TBC1D22B: variants seen among roughly 807,000 people sequenced by gnomAD.
TBC1D22B encodes TBC1 domain family member 22B, also known as chromosome 6 open reading frame 197.
In TBC1D22B, 32 loss-of-function variants were observed where a neutral mutation model predicts 69.1. The ratio of observed to expected loss-of-function variants is 0.46; its 90% CI spans 0.35 to 0.62. TBC1D22B has a LOEUF of 0.62. Ranked by LOEUF, TBC1D22B falls within the 20% of genes least tolerant of loss-of-function variation. The probability of loss-of-function intolerance (pLI) is 0.00; values close to 1 mark genes in which losing one functional copy is unlikely to be tolerated. For missense variants in TBC1D22B, 462 were observed against 630.9 expected (o/e 0.73, Z 2.87); for synonymous variants, 206 against 229.8 (o/e 0.90, Z 0.94).
chr6:37,268,516 A>C (rs537775994), intron 1 of TBC1D22B, among the ~76,000 whole-genome samples: 1 of 152,326 alleles, frequency 6.6e-6, no homozygotes, highest in East Asian at 1.9e-4. Context: ...GTTGTGAGCC[A>C]TCCCATCAGC....
chr6:37,276,855 C>A (rs1197295721), intron 2 of TBC1D22B, among the ~76,000 whole-genome samples: 1 of 152,100 alleles, frequency 6.6e-6, no homozygotes, highest in Non-Finnish European at 1.5e-5. Context: ...CGCACCACTG[C>A]ACTCCAGCCT....
intron 2 of TBC1D22B, among the ~76,000 whole-genome samples, chr6:37,277,526 T>C (rs1766704582): frequency 7.1e-6 from 1 of 141,008 alleles, no homozygotes; most frequent in East Asian, 2.1e-4. Flanking sequence ...GAGTCAGTGG[T>C]GTGATCTTGG....
chr6:37,262,768 G>A (rs1158552965), intron 1 of TBC1D22B, among the ~76,000 whole-genome samples: 6 of 152,202 alleles, frequency 3.9e-5, no homozygotes, highest in South Asian at 2.1e-4. Flanking sequence ...TTGCCAACAC[G>A]TTTGGCATTT....
intron 8 of TBC1D22B, among the ~76,000 whole-genome samples, chr6:37,308,818 T>A (rs1398250721): frequency 6.6e-6 from 1 of 152,106 alleles, no homozygotes; most frequent in Non-Finnish European, 1.5e-5. Flanking sequence ...AGATCCAGAA[T>A]TTCAGTGCTG....
intron 12 of TBC1D22B, among the ~76,000 whole-genome samples, chr6:37,321,166 C>A (rs1319179485): frequency 4.0e-5 from 6 of 151,426 alleles, no homozygotes; most frequent in Non-Finnish European, 7.4e-5. Context: ...GCTATAATAC[C>A]CCATTTTACA....
At chr6:37,311,183 ATTT>A (rs11311446) in intron 8 of TBC1D22B, among the ~76,000 whole-genome samples, 1 of 147,240 alleles carries the variant, frequency 6.8e-6, no homozygotes, top group Admixed American at 6.8e-5. Context: ...TTCAAGTTGG[ATTT>A]TTTTTTTTTT....
intron 2 of TBC1D22B, among the ~76,000 whole-genome samples, chr6:37,273,842 A>G (rs1298905752): frequency 6.6e-6 from 1 of 152,176 alleles, no homozygotes; most frequent in Non-Finnish European, 1.5e-5. Flanking sequence ...GGACATTTTT[A>G]TGACTTTCTC....
chr6:37,312,926 G>T lies in TBC1D22B; in HGVS notation c.991G>T (p.Val331Leu). The part of the protein sequence containing the change: ...VFLSEYVEED[V>L]ENFDVTNLSQ... ...CACCTTTTGTTTTACAGAAGAGGAT[G>T]TGGAGAACTTTGACGTGACCAACTT... is the stretch of plus-strand genomic sequence containing the variant. Residue 331 changes from valine (V) to leucine (L), a missense_variant, in exon 9 of 13, where the codon GTG (valine) becomes TTG (leucine). Val to Leu is a conservative substitution (Grantham distance 32). Coordinates refer to ENST00000373491, the MANE Select transcript of TBC1D22B (RefSeq NM_017772.4). The T allele has an allele frequency of 1.9e-6, 3 of 1,613,718 alleles. No homozygotes were observed. Among genetic ancestry groups the T allele is most frequent in the Non-Finnish European group, 2.5e-6 (3 of 1,179,648 alleles).
intron 1 of TBC1D22B, among the ~76,000 whole-genome samples, chr6:37,259,420 A>T (rs1447607854): frequency 1.3e-5 from 2 of 152,266 alleles, no homozygotes; most frequent in South Asian, 4.1e-4. Context: ...GGTTTTCCGT[A>T]GTGAGATCAT....
chr6:37,275,304 G>A (rs958473585), intron 2 of TBC1D22B, among the ~76,000 whole-genome samples: 1 of 152,102 alleles, frequency 6.6e-6, no homozygotes, highest in Non-Finnish European at 1.5e-5. Context: ...TAGGCTATGT[G>A]TGTCAGACCT....
At position 37,327,351 on chromosome 6, in the gene TBC1D22B, G is replaced by A. The variant is rs536739673; in HGVS notation, c.1390-3693G>A. 1.0e-3 allele frequency among the ~76,000 whole-genome samples: 135 copies of A among 134,204 alleles called. 10 individuals are homozygous for A. The highest frequency in any genetic ancestry group is 1.4e-3 in the Non-Finnish European group (88 of 64,606). The allele number at this position is 134,204 out of a possible 152,430, so 88.0% of individuals were successfully genotyped here. A position where few individuals can be genotyped will look rare whatever the true frequency, so the allele number is the denominator to read the frequency against. On this transcript the variant is annotated intron_variant, in intron 12 of 12. Transcript: ENST00000373491. ...AAATTAGCCGGGCGTGGTGGTGGGC[G>A]CCTGTAGTCCCAGCTGCTCGGGAGG...
chr6:37,302,584 G>T (rs1475695636), intron 8 of TBC1D22B, among the ~76,000 whole-genome samples: 1 of 152,102 alleles, frequency 6.6e-6, no homozygotes, highest in Admixed American at 6.5e-5. Context: ...ATATTTTTAG[G>T]TACAAAATGC....
At chr6:37,284,554 G>A (rs1027148048) in intron 6 of TBC1D22B, 90 bp downstream of exon 6, 33 of 1,384,128 alleles carry the variant, frequency 2.4e-5, no homozygotes, top group Non-Finnish European at 3.2e-5. Context: ...GGCTTTCCAA[G>A]TCTTCAGGCT....
At position 37,291,336 on chromosome 6, in the gene TBC1D22B, G is replaced by C. The variant is rs749706611; in HGVS notation, c.961G>C (p.Val321Leu). 6.2e-7 allele frequency: 1 copy of C among 1,611,102 alleles called. No individual in the cohort carries two copies. Among genetic ancestry groups the C allele is most frequent in the Non-Finnish European group, 8.5e-7 (1 of 1,178,710 alleles). ...INDLVTPFFV[V>L]FLSEYVEEDV... ...TGACCTGGTCACTCCATTCTTTGTC[G>C]TCTTCCTCTCAGAATATGTGGGTAA... Residue 321 changes from valine (V) to leucine (L), a missense_variant, in exon 8 of 13, where the codon GTC becomes CTC. Val to Leu is a conservative substitution (Grantham distance 32). Around this residue, in one of 2 missense-constraint regions of TBC1D22B, gnomAD observed 225 missense variants for 375.4 expected, o/e 0.60. Coordinates refer to ENST00000373491, the MANE Select transcript of TBC1D22B (RefSeq NM_017772.4).
At chr6:37,329,786 C>T (rs964328245) in intron 12 of TBC1D22B, among the ~76,000 whole-genome samples, 4 of 152,208 alleles carry the variant, frequency 2.6e-5, no homozygotes, top group African/African-American at 9.6e-5. Context: ...ACTTCTACTC[C>T]TCCATTCATA....
At chr6:37,302,716 G>T (rs1056458331) in intron 8 of TBC1D22B, among the ~76,000 whole-genome samples, 1 of 152,200 alleles carries the variant, frequency 6.6e-6, no homozygotes, top group Non-Finnish European at 1.5e-5. Flanking sequence ...GAAGTCCTCC[G>T]CAGACCTCTG....
intron 12 of TBC1D22B, among the ~76,000 whole-genome samples, chr6:37,328,045 A>ATACT (rs1768479806): frequency 6.6e-6 from 1 of 151,984 alleles, no homozygotes; most frequent in African/African-American, 2.4e-5. Flanking sequence ...CAGGCGCGGT[A>ATACT]GCTCATGCCT....
In TBC1D22B at chr6:37,332,787, C is replaced by T. The variant is rs550672194; in HGVS notation, c.*1615C>T. ...TCCCAACCCTCTTCCTTTTCCCCTTCGGTGTGCCTCAGTGGTCTCCTTCAT... is the reference window on the plus strand; with the variant it reads ...TCCCAACCCTCTTCCTTTTCCCCTTTGGTGTGCCTCAGTGGTCTCCTTCAT... On this transcript the variant is annotated 3_prime_UTR_variant, in exon 13 of 13. Transcript: ENST00000373491. 3 of 152,816 alleles carry T rather than the reference C, an allele frequency of 2.0e-5. No individual in the cohort carries two copies. Among genetic ancestry groups the T allele is most frequent in the South Asian group, 2.1e-4 (1 of 4,826 alleles). The allele number at this position is 152,816 out of a possible 1,614,324, so 9.5% of individuals were successfully genotyped here. A position where few individuals can be genotyped will look rare whatever the true frequency, so the allele number is the denominator to read the frequency against.
chr6:37,326,008 G>A (rs990029608), intron 12 of TBC1D22B, among the ~76,000 whole-genome samples: 13 of 152,126 alleles, frequency 8.5e-5, no homozygotes, highest in African/African-American at 2.7e-4. Flanking sequence ...TTGTGCAGGG[G>A]TGGAATTATT....
Sources: gnomAD v4.1 joint callset for allele counts (sites outside exome capture counted in the v4.1 genomes callset) on GRCh38, gnomAD v4.1.1 for gene constraint, gnomAD v4.1.1 regional missense constraint, MANE v1.5 for transcripts, NCBI Gene and HGNC (gene_info 2026-07-23, HGNC 2026-07-21) for gene names.